The following KIRREL3 variants were observed in gnomAD, a reference collection of about 807,000 sequenced individuals.
The protein encoded by KIRREL3 is kin of IRRE-like protein 3.
A neutral mutation model predicts 89.7 loss-of-function variants in KIRREL3; 36 were observed. The observed-to-expected ratio is 0.40, with a 90% CI of 0.31 to 0.53. The LOEUF is 0.53. KIRREL3 is among the 20% of genes least tolerant of loss of function. KIRREL3 has a pLI of 0.49. For synonymous variants in KIRREL3, 445 were observed against 441.4 expected (o/e 1.01, Z -0.10); for missense variants, 864 against 1,056.6 (o/e 0.82, Z 2.53).
rs981251089 is a variant in KIRREL3, at chr11:126,492,318, C to T, written c.434-18852G>A. Reference sequence around the variant, plus strand: ...TTTCCCAAGCCTGTTCCCCTACCCCCGATGAGGGATGAGGTGGATGTGACA... The same window carrying T: ...TTTCCCAAGCCTGTTCCCCTACCCCTGATGAGGGATGAGGTGGATGTGACA... On this transcript the variant is annotated intron_variant, in intron 4 of 16. Transcript: ENST00000525144. The surrounding 1 kb of genome is among the most constrained non-coding windows in gnomAD (Gnocchi z 4.8). 1.3e-5 allele frequency among the ~76,000 whole-genome samples: 2 copies of T among 152,102 alleles called. No individual in the cohort carries two copies. The highest frequency in any genetic ancestry group is 2.9e-5 in the Non-Finnish European group (2 of 68,034).
At chr11:126,507,650 T>C (rs1441569876) in intron 4 of KIRREL3, among the ~76,000 whole-genome samples, 2 of 152,238 alleles carry the variant, frequency 1.3e-5, no homozygotes, top group Non-Finnish European at 2.9e-5. Flanking sequence ...AAGGCACATA[T>C]ACAGATGCTG....
At chr11:126,691,944 T>C (rs1413180224) in intron 1 of KIRREL3, among the ~76,000 whole-genome samples, 1 of 152,222 alleles carries the variant, frequency 6.6e-6, no homozygotes, top group Non-Finnish European at 1.5e-5. Context: ...CATCAGAGAT[T>C]TGCAAATCGA....
rs925305067 is a variant in KIRREL3, at chr11:126,909,358, G to C, written c.55+91097C>G. On this transcript the variant is annotated intron_variant, in intron 1 of 16. Coordinates refer to ENST00000525144, the MANE Select transcript of KIRREL3 (RefSeq NM_032531.4). This position sits in a 1 kb window ranked among gnomAD's most constrained non-coding sequence, Gnocchi z 4.5. ...AGCCTGAGAGTTCCTCAAGGCAAGA[G>C]AGCAAGGACGCATTGCACTCATCCT... Among the ~76,000 whole-genome samples the C allele has an allele frequency of 6.6e-6, 1 of 152,188 alleles. No individual in the cohort carries two copies. The highest frequency in any genetic ancestry group is 1.5e-5 in the Non-Finnish European group (1 of 68,032).
intron 4 of KIRREL3, among the ~76,000 whole-genome samples, chr11:126,483,737 C>A (rs572242394): frequency 4.6e-5 from 7 of 152,224 alleles, no homozygotes; most frequent in Non-Finnish European, 7.3e-5. Context: ...GTGAGGATAG[C>A]CTGCCCTTTT....
At position 126,768,278 on chromosome 11, in the gene KIRREL3, T is replaced by TCATCCATCCATCCATCCATCCATC; in HGVS notation, c.56-205390_56-205367dup. On this transcript the variant is annotated intron_variant, in intron 1 of 16. Coordinates refer to ENST00000525144, the MANE Select transcript of KIRREL3 (RefSeq NM_032531.4). The surrounding 1 kb of genome is among the most constrained non-coding windows in gnomAD (Gnocchi z 4.5). ...TGCATCCACCCATCCATCCATCCAT[T>TCATCCATCCATCCATCCATCCATC]CATCCATCCATCCATCCATCCATCC... Among the ~76,000 whole-genome samples the TCATCCATCCATCCATCCATCCATC allele has an allele frequency of 2.9e-5, 4 of 135,772 alleles. No individual in the cohort carries two copies. The East Asian group carries it at 6.5e-4, about 22-fold the overall frequency. 89.1% of individuals were successfully genotyped at this position (135,772 alleles called of 152,430 possible).
rs1011991385 is a variant in KIRREL3, at chr11:126,684,399, C to CAA, written c.56-121489_56-121488dup. ...GTGATACATTAAAAACACATCGAAG[C>CAA]AAAACCTCCTGGTTGAACTGGCTTC... On this transcript the variant is annotated intron_variant, in intron 1 of 16. Coordinates refer to ENST00000525144, the MANE Select transcript of KIRREL3 (RefSeq NM_032531.4). This position sits in a 1 kb window ranked among gnomAD's most constrained non-coding sequence, Gnocchi z 4.2. Among the ~76,000 whole-genome samples, 1 of 152,192 alleles carries CAA rather than the reference C, an allele frequency of 6.6e-6. No homozygotes were observed. Among genetic ancestry groups the CAA allele is most frequent in the African/African-American group, 2.4e-5 (1 of 41,442 alleles).
At chr11:126,826,366 C>T (rs1943413117) in intron 1 of KIRREL3, among the ~76,000 whole-genome samples, 1 of 152,182 alleles carries the variant, frequency 6.6e-6, no homozygotes. Flanking sequence ...CTGATTTCCT[C>T]ATCATGATTA....
chr11:126,593,317 C>A (rs939541921), intron 1 of KIRREL3, among the ~76,000 whole-genome samples: 1 of 152,224 alleles, frequency 6.6e-6, no homozygotes, highest in African/African-American at 2.4e-5. Flanking sequence ...GCACCGTTAT[C>A]GGGAGGCTTC....
chr11:126,960,139 G>T (rs2097086319), intron 1 of KIRREL3, among the ~76,000 whole-genome samples: 1 of 151,280 alleles, frequency 6.6e-6, no homozygotes, highest in Admixed American at 6.6e-5. Context: ...CAGAGCATAT[G>T]ATAAGAACTT....
At chr11:126,517,134 GAA>G (rs1491268883) in intron 4 of KIRREL3, among the ~76,000 whole-genome samples, 38 of 124,350 alleles carry the variant, frequency 3.1e-4, no homozygotes, top group Admixed American at 9.6e-4. Context: ...GAGAGAGAGA[GAA>G]AGAGAGAGAG....
intron 1 of KIRREL3, among the ~76,000 whole-genome samples, chr11:126,964,977 G>A (rs1949219693): frequency 6.6e-6 from 1 of 152,160 alleles, no homozygotes; most frequent in Non-Finnish European, 1.5e-5. Flanking sequence ...CATGTTCAAA[G>A]TACTTTCCAA....
At position 126,642,975 on chromosome 11, in the gene KIRREL3, C is replaced by T. The variant is rs967954933; in HGVS notation, c.56-80063G>A. Among the ~76,000 whole-genome samples the T allele has an allele frequency of 1.3e-5, 2 of 151,976 alleles. No individual in the cohort carries two copies. Among genetic ancestry groups the T allele is most frequent in the African/African-American group, 4.8e-5 (2 of 41,330 alleles). ...GTAAAAAAAAGGTACTTTGGCCTCCCTTCTTCCCTCCCATCCATCCATCCA... is the reference window on the plus strand; with the variant it reads ...GTAAAAAAAAGGTACTTTGGCCTCCTTTCTTCCCTCCCATCCATCCATCCA... On this transcript the variant is annotated intron_variant, in intron 1 of 16. Transcript: ENST00000525144. This position sits in a 1 kb window ranked among gnomAD's most constrained non-coding sequence, Gnocchi z 4.9.
rs535069752 is a variant in KIRREL3 at position 126,808,491 on chromosome 11, A to T, written c.55+191964T>A. ...TTTTCATGGGGTCTGTTTTTTTCCC[A>T]GTGACCTCCTGAGGCAGCAGACTCC... On this transcript the variant is annotated intron_variant, in intron 1 of 16. Transcript: ENST00000525144. This position sits in a 1 kb window ranked among gnomAD's most constrained non-coding sequence, Gnocchi z 4.1. Among the ~76,000 whole-genome samples, 2 of 152,270 alleles carry T rather than the reference A, an allele frequency of 1.3e-5. No individual in the cohort carries two copies. The highest frequency in any genetic ancestry group is 6.5e-5 in the Admixed American group (1 of 15,296).
chr11:126,984,032 G>A (rs76429608), intron 1 of KIRREL3, among the ~76,000 whole-genome samples: 2,313 of 152,140 alleles, frequency 0.015, 62 homozygotes, highest in East Asian at 0.12. Flanking sequence ...TTCTCCCCAT[G>A]AGCCCCACTG....
rs895474140 is a variant in KIRREL3 at position 126,965,143 on chromosome 11, G to T, written c.55+35312C>A. Among the ~76,000 whole-genome samples the T allele has an allele frequency of 6.6e-6, 1 of 152,188 alleles. No individual in the cohort carries two copies. The highest frequency in any genetic ancestry group is 1.5e-5 in the Non-Finnish European group (1 of 68,022). On this transcript the variant is annotated intron_variant, in intron 1 of 16. Coordinates refer to ENST00000525144, the MANE Select transcript of KIRREL3 (RefSeq NM_032531.4). The surrounding 1 kb of genome is among the most constrained non-coding windows in gnomAD (Gnocchi z 4.4). ...ACAGAGAGATAAAATGGAGATAAGTGTGAGTTAGGAGCTCTGGGGATGAGC... is the reference window on the plus strand; with the variant it reads ...ACAGAGAGATAAAATGGAGATAAGTTTGAGTTAGGAGCTCTGGGGATGAGC...
At chr11:126,966,014 C>G (rs1331312605) in intron 1 of KIRREL3, among the ~76,000 whole-genome samples, 1 of 152,024 alleles carries the variant, frequency 6.6e-6, no homozygotes, top group Non-Finnish European at 1.5e-5. Context: ...ATTTGGTTCA[C>G]TTGAAAAGGA....
chr11:126,613,661 A>G (rs899839689), intron 1 of KIRREL3, among the ~76,000 whole-genome samples: 8 of 152,136 alleles, frequency 5.3e-5, no homozygotes, highest in Non-Finnish European at 8.8e-5. Context: ...AGAAAGAAGG[A>G]AAAAGAAAAT....
At chr11:126,480,912 AT>A (rs1957200318) in intron 4 of KIRREL3, among the ~76,000 whole-genome samples, 2 of 152,192 alleles carry the variant, frequency 1.3e-5, no homozygotes, top group Non-Finnish European at 2.9e-5. Flanking sequence ...ACGTATACAG[AT>A]GCGCCACCTA....
Position 126,696,301 on chromosome 11 carries a change from A to C in KIRREL3, c.56-133389T>G, listed in dbSNP as rs2135149491. ...AGCCTGGATGGCCTAGTGCTTCCTT[A>C]TTGCTTAATTAACCCTTCTCCCTTT... On this transcript the variant is annotated intron_variant, in intron 1 of 16. Coordinates refer to ENST00000525144, the MANE Select transcript of KIRREL3 (RefSeq NM_032531.4). The surrounding 1 kb of genome is among the most constrained non-coding windows in gnomAD (Gnocchi z 4.4). 6.8e-6 allele frequency among the ~76,000 whole-genome samples: 1 copy of C among 147,556 alleles called. No homozygotes were observed. The highest frequency in any genetic ancestry group is 2.1e-4 in the South Asian group (1 of 4,654).
Sources: allele counts gnomAD v4.1 joint callset (sites outside exome capture counted in the v4.1 genomes callset), GRCh38; gene constraint gnomAD v4.1.1; non-coding constraint Gnocchi (gnomAD v3.1); transcripts MANE v1.5; gene names NCBI Gene and HGNC (gene_info 2026-07-23, HGNC 2026-07-21).